NCAM2: variants seen among roughly 807,000 people sequenced by gnomAD.
NCAM2 encodes the protein neural cell adhesion molecule 2, also known as N-CAM-2.
Under a neutral mutation model 98.1 loss-of-function variants are expected in NCAM2, and 30 were observed. The observed-to-expected ratio is 0.31, with a 90% CI of 0.23 to 0.41. The LOEUF is 0.41. Among genes scored for constraint, NCAM2 ranks in the 10% least tolerant of loss-of-function variants. NCAM2 has a pLI of 1.00. For synonymous variants in NCAM2, 368 were observed against 342.4 expected, an observed-to-expected ratio of 1.07 and a Z score of -0.83; for missense variants, 867 against 1,005.8, an observed-to-expected ratio of 0.86 and a Z score of 1.87.
chr21:21,202,320 G>A (rs1251561988), intron 1 of NCAM2, among the ~76,000 whole-genome samples: 1 of 151,444 alleles, frequency 6.6e-6, no homozygotes, highest in Non-Finnish European at 1.5e-5. Context: ...AATAGTGCCT[G>A]GCACCAAATA....
intron 1 of NCAM2, among the ~76,000 whole-genome samples, chr21:21,125,895 T>C (rs1384904818): frequency 6.6e-6 from 1 of 151,606 alleles, no homozygotes; most frequent in Non-Finnish European, 1.5e-5. Flanking sequence ...GAAGAAATGA[T>C]GGAAAGTTAA....
chr21:21,454,842 A>C (rs1490259127), intron 12 of NCAM2, among the ~76,000 whole-genome samples: 7 of 151,964 alleles, frequency 4.6e-5, no homozygotes, highest in African/African-American at 1.7e-4. Context: ...GCAGATATGA[A>C]GTATTCAAAT....
At chr21:21,223,434 C>T (rs914575950) in intron 1 of NCAM2, 3 of 151,922 alleles carry the variant, frequency 2.0e-5, no homozygotes, top group Non-Finnish European at 4.4e-5. Flanking sequence ...TATTTCTTTT[C>T]CAATGTGTCA....
intron 7 of NCAM2, among the ~76,000 whole-genome samples, chr21:21,336,170 C>G (rs2074861161): frequency 1.3e-5 from 2 of 151,998 alleles, no homozygotes; most frequent in Non-Finnish European, 1.5e-5. Context: ...AAAACTAGTA[C>G]TTTACAGAAA....
At chr21:21,397,137 T>C (rs2076527356) in intron 9 of NCAM2, among the ~76,000 whole-genome samples, 2 of 152,288 alleles carry the variant, frequency 1.3e-5, no homozygotes, top group South Asian at 4.1e-4. Context: ...CAACTCTGGC[T>C]GAGTCGGGGT....
intron 12 of NCAM2, among the ~76,000 whole-genome samples, 183 bp downstream of exon 12, chr21:21,432,464 T>TGTC (rs1251362642): frequency 1.3e-5 from 2 of 151,734 alleles, no homozygotes; most frequent in African/African-American, 4.8e-5. Flanking sequence ...AGTTTCCATC[T>TGTC]TCAGTAAAAA....
rs535368196 is a variant in NCAM2 at position 21,076,176 on chromosome 21, A to G, written c.55+77558A>G. 9.9e-5 allele frequency among the ~76,000 whole-genome samples: 15 copies of G among 152,120 alleles called. No individual in the cohort carries two copies. In the East Asian group the frequency reaches 2.7e-3, roughly 27 times the overall value. The stretch of plus-strand genomic sequence containing the variant: ...GCATTTTCAAAAGTTCAATAAAAGT[A>G]TAATTTATATTATAAGGGAAATGAG... On this transcript the variant is annotated intron_variant, in intron 1 of 17. Coordinates refer to ENST00000400546, the MANE Select transcript of NCAM2 (RefSeq NM_004540.5).
intron 15 of NCAM2, among the ~76,000 whole-genome samples, chr21:21,499,079 A>C (rs1987448844): frequency 6.6e-6 from 1 of 152,206 alleles, no homozygotes; most frequent in African/African-American, 2.4e-5. Context: ...GACCAAAACC[A>C]AAATTTACTA....
intron 12 of NCAM2, among the ~76,000 whole-genome samples, chr21:21,443,063 G>A (rs1393619204): frequency 6.6e-6 from 1 of 152,074 alleles, no homozygotes; most frequent in African/African-American, 2.4e-5. Flanking sequence ...CAGAGATTTT[G>A]GTATGTTGTG....
chr21:21,132,898 A>G (rs1257125650), intron 1 of NCAM2, among the ~76,000 whole-genome samples: 1 of 152,180 alleles, frequency 6.6e-6, no homozygotes, highest in African/African-American at 2.4e-5. Flanking sequence ...CCAGGGTAAA[A>G]CCGTTAGACA....
At chr21:21,509,271 A>G (rs948233843) in intron 16 of NCAM2, among the ~76,000 whole-genome samples, 2 of 152,010 alleles carry the variant, frequency 1.3e-5, no homozygotes, top group East Asian at 1.9e-4. Context: ...TCAAAATTAA[A>G]CCTCACAATG....
chr21:21,210,832 TA>T, intron 1 of NCAM2: 1 of 286,726 alleles, frequency 3.5e-6, no homozygotes, highest in Non-Finnish European at 6.3e-6. Flanking sequence ...GATACTTTGA[TA>T]AATTACCAGT....
chr21:21,047,047 T>A (rs55857458), intron 1 of NCAM2, among the ~76,000 whole-genome samples: 152,264 of 152,266 alleles, frequency 1, 76,131 homozygotes, highest in Middle Eastern at 1. Context: ...ACAGCTTATT[T>A]TCCTTTTTTT....
At chr21:21,404,200 G>T (rs557965012) in intron 9 of NCAM2, among the ~76,000 whole-genome samples, 3 of 152,230 alleles carry the variant, frequency 2.0e-5, no homozygotes, top group Non-Finnish European at 4.4e-5. Flanking sequence ...TGAGGCATAC[G>T]TGTTTACTGT....
chr21:21,329,531 A>C (rs1035400223), intron 6 of NCAM2, among the ~76,000 whole-genome samples: 3 of 152,180 alleles, frequency 2.0e-5, no homozygotes, highest in African/African-American at 7.2e-5. Flanking sequence ...TAGGCAATGC[A>C]TGACTGCATT....
At chr21:21,250,648 A>G (rs2071436212) in intron 1 of NCAM2, among the ~76,000 whole-genome samples, 1 of 152,182 alleles carries the variant, frequency 6.6e-6, no homozygotes, top group Non-Finnish European at 1.5e-5. Context: ...TCAAATTAAA[A>G]TTCATGTTTT....
At chr21:21,317,887 G>T (rs2074266358) in intron 5 of NCAM2, among the ~76,000 whole-genome samples, 1 of 152,138 alleles carries the variant, frequency 6.6e-6, no homozygotes, top group Admixed American at 6.6e-5. Flanking sequence ...TTGTACCCCA[G>T]GTGGTCCCAA....
chr21:21,132,197 C>A (rs2066949862), intron 1 of NCAM2, among the ~76,000 whole-genome samples: 1 of 152,120 alleles, frequency 6.6e-6, no homozygotes, highest in Admixed American at 6.6e-5. Context: ...TTCTTGCTCT[C>A]ACTCTTTTTT....
At chr21:21,434,080 T>G (rs147211062) in intron 12 of NCAM2, among the ~76,000 whole-genome samples, 3 of 152,306 alleles carry the variant, frequency 2.0e-5, no homozygotes, top group African/African-American at 7.2e-5. Flanking sequence ...TTGATCAAGG[T>G]AAAAATCCTG....
Sources: allele counts gnomAD v4.1 joint callset (sites outside exome capture counted in the v4.1 genomes callset), GRCh38; gene constraint gnomAD v4.1.1; transcripts MANE v1.5; gene names NCBI Gene and HGNC (gene_info 2026-07-23, HGNC 2026-07-21).